The following BOC variants were observed in gnomAD, a reference collection of about 807,000 sequenced individuals.
BOC encodes the protein brother of CDO.
In BOC, 76 loss-of-function variants were observed where a neutral mutation model predicts 112.0. The ratio of observed to expected loss-of-function variants is 0.68; its 90% confidence interval spans 0.56 to 0.82. The LOEUF (loss-of-function observed/expected upper bound fraction) is 0.82, where lower values mean the gene tolerates loss of function less well. BOC is among the 40% of genes least tolerant of loss of function. The pLI, the probability that BOC is intolerant of heterozygous loss-of-function variation, is 0.00. For missense variants in BOC, 1,309 were observed against 1,511.7 expected, an observed-to-expected ratio of 0.87 and a Z score of 2.22; for synonymous variants, 580 against 599.8, an observed-to-expected ratio of 0.97 and a Z score of 0.48.
In BOC at chr3:113,286,748, A is replaced by G. The variant is rs1370082022; in HGVS notation, c.3234A>G (p.Gly1078=). 1.2e-6 allele frequency: 2 copies of G among 1,613,712 alleles called. No homozygotes were observed. The part of the protein sequence containing the change: ...DSPDSCQVSG[G]DWCPQHPVGA... Reference sequence around the variant, plus strand: ...CTGACTCCTGCCAAGTGAGTGGAGGAGACTGGTGTCCCCAGCACCCCGTAG... The same window carrying G: ...CTGACTCCTGCCAAGTGAGTGGAGGGGACTGGTGTCCCCAGCACCCCGTAG... Residue 1078 remains glycine (G), a synonymous_variant, in exon 20 of 20, where the codon GGA becomes GGG. Transcript: ENST00000682979.
rs1214155095 is a variant in BOC, at chr3:113,272,427, G to T, written c.685G>T (p.Ala229Ser). 9 of 1,613,644 alleles carry T rather than the reference G, an allele frequency of 5.6e-6. No individual in the cohort carries two copies. The highest frequency in any genetic ancestry group is 7.6e-6 in the Non-Finnish European group (9 of 1,179,636). ...CCCTCCAGGCTCCACCGCTGAGGCT[G>T]CCCGCATCATCTACCCCCCAGAGGC... ...LRVRRSTAEA[A>S]RIIYPPEAQT... The change falls in exon 7 of 20, where the codon GCC (alanine) becomes TCC (serine). Residue 229 changes from alanine (A) to serine (S), a missense_variant. By Grantham distance (99) the Ala-to-Ser change is moderately conservative. Coordinates refer to ENST00000682979, the MANE Select transcript of BOC (RefSeq NM_001378074.1).
intron 2 of BOC, among the ~76,000 whole-genome samples, chr3:113,237,253 C>T (rs556505526): frequency 6.6e-6 from 1 of 152,318 alleles, no homozygotes; most frequent in Admixed American, 6.5e-5. Context: ...GGGCTCAGCA[C>T]ATCATGGGAG....
chr3:113,277,607 A>T (rs1049398304), intron 9 of BOC, among the ~76,000 whole-genome samples: 1 of 152,242 alleles, frequency 6.6e-6, no homozygotes, highest in African/African-American at 2.4e-5. Context: ...GCACCTATAA[A>T]CTGCTTAGTT....
intron 2 of BOC, among the ~76,000 whole-genome samples, chr3:113,223,339 T>C (rs1308817175): frequency 6.6e-6 from 1 of 152,228 alleles, no homozygotes; most frequent in Non-Finnish European, 1.5e-5. Context: ...TATACAGACT[T>C]GTCGTTCCAA....
chr3:113,243,854 G>A (rs1361650819), intron 2 of BOC, among the ~76,000 whole-genome samples: 1 of 152,198 alleles, frequency 6.6e-6, no homozygotes, highest in Admixed American at 6.5e-5. Context: ...TGACTGAACT[G>A]ATCAGTGAAA....
chr3:113,223,241 AGTTTTGTTTT>A (rs1219569689), intron 2 of BOC, among the ~76,000 whole-genome samples: 1 of 152,210 alleles, frequency 6.6e-6, no homozygotes, highest in Non-Finnish European at 1.5e-5. Context: ...CTCCAGCTCC[AGTTTTGTTTT>A]GTTTTGTTTT....
intron 2 of BOC, among the ~76,000 whole-genome samples, chr3:113,224,352 T>C (rs946791738): frequency 7.2e-5 from 11 of 152,302 alleles, no homozygotes; most frequent in African/African-American, 2.6e-4. Flanking sequence ...GAAGTGCCTC[T>C]TTCTTGAGTC....
chr3:113,235,541 C>T (rs1559820059), intron 2 of BOC, among the ~76,000 whole-genome samples: 1 of 152,138 alleles, frequency 6.6e-6, no homozygotes, highest in Non-Finnish European at 1.5e-5. Context: ...AGTAGAGACA[C>T]TGTGAAGAAA....
chr3:113,271,308 C>T (rs1304848898), intron 6 of BOC: 4 of 458,728 alleles, frequency 8.7e-6, no homozygotes. Flanking sequence ...AACAGATGGC[C>T]ACGTGGGAGG....
intron 2 of BOC, among the ~76,000 whole-genome samples, chr3:113,235,000 A>G (rs2107745049): frequency 6.6e-6 from 1 of 152,320 alleles, no homozygotes; most frequent in South Asian, 2.1e-4. Context: ...GCCTGTTTAT[A>G]ATAGTAAGGT....
chr3:113,244,787 T>C (rs900387094), intron 2 of BOC, among the ~76,000 whole-genome samples: 2 of 152,244 alleles, frequency 1.3e-5, no homozygotes, highest in Non-Finnish European at 2.9e-5. Context: ...CACAGAAAGT[T>C]ACTGTTATAG....
chr3:113,279,395 C>T lies in BOC; in HGVS notation c.1963C>T (p.Leu655=), dbSNP rs373571365. ...KKLKKVGDWI[L]ATSAIPPSRL... Reference sequence around the variant, plus strand: ...GCTAAAGAAAGTGGGAGACTGGATTCTGGCCACCAGCGCCATCCCCCCATC... The same window carrying T: ...GCTAAAGAAAGTGGGAGACTGGATTTTGGCCACCAGCGCCATCCCCCCATC... Residue 655 remains leucine, a synonymous_variant, in exon 12 of 20, where the codon CTG becomes TTG. Transcript: ENST00000682979. The T allele has an allele frequency of 5.9e-5, 95 of 1,614,102 alleles. No homozygotes were observed. Among genetic ancestry groups the T allele is most frequent in the Non-Finnish European group, 7.9e-5 (93 of 1,180,030 alleles).
chr3:113,274,491 C>T lies in BOC; in HGVS notation c.1351C>T (p.Pro451Ser). ...GAGGGGGCAACCGGCGCTCCCCAGA[C>T]CCCCAACGTCAGTGGGGCCTGCTTC... is the stretch of plus-strand genomic sequence containing the variant. ...MLRGQPALPR[P>S]PTSVGPASPQ... The change falls in exon 9 of 20, where the codon CCC becomes TCC. Residue 451 changes from proline to serine, a missense_variant. Transcript: ENST00000682979. The surrounding 1 kb of genome is among the most constrained non-coding windows in gnomAD (Gnocchi z 4.8). 1 of 1,612,488 alleles carries T rather than the reference C, an allele frequency of 6.2e-7. No homozygotes were observed. Among genetic ancestry groups the T allele is most frequent in the Non-Finnish European group, 8.5e-7 (1 of 1,179,116 alleles).
intron 1 of BOC, chr3:113,212,368 C>T (rs1383005538): frequency 6.6e-6 from 1 of 152,240 alleles, no homozygotes; most frequent in South Asian, 2.1e-4. Flanking sequence ...TTCCCAGAAG[C>T]TTCTCGGGTG....
chr3:113,246,001 G>A (rs890413677), intron 2 of BOC, among the ~76,000 whole-genome samples: 1 of 152,204 alleles, frequency 6.6e-6, no homozygotes, highest in Non-Finnish European at 1.5e-5. Flanking sequence ...TCCTCCTGAT[G>A]ATGATCGACT....
At chr3:113,237,391 C>T (rs1326439382) in intron 2 of BOC, among the ~76,000 whole-genome samples, 4 of 152,144 alleles carry the variant, frequency 2.6e-5, no homozygotes, top group Admixed American at 6.6e-5. Flanking sequence ...TTATTTCTCC[C>T]TTTCCCATCC....
At position 113,265,540 on chromosome 3, in the gene BOC, G is replaced by A. The variant is rs116074185; in HGVS notation, c.377-2759G>A. ...TGACTTGGCAGGTACAGGGCGCACTGGCCTGAAGGAGGATTAAGGCCTTTG... is the reference window on the plus strand; with the variant it reads ...TGACTTGGCAGGTACAGGGCGCACTAGCCTGAAGGAGGATTAAGGCCTTTG... On this transcript the variant is annotated intron_variant, in intron 4 of 19. Coordinates refer to ENST00000682979, the MANE Select transcript of BOC (RefSeq NM_001378074.1). 3.5e-3 allele frequency among the ~76,000 whole-genome samples: 539 copies of A among 152,248 alleles called. 2 individuals are homozygous for A. Among genetic ancestry groups the A allele is most frequent in the African/African-American group, 0.012 (490 of 41,542 alleles).
In BOC at chr3:113,280,562, T is replaced by A. The variant is rs756169677; in HGVS notation, c.2210T>A (p.Ile737Asn). ...ETTIMLKWMY[I>N]PASNNNTPIH... ...TTTCTTCTCCATTCCCTATAGTACA[T>A]CCCAGCAAGTAACAACAACACCCCA... Residue 737 changes from isoleucine to asparagine, a missense_variant, in exon 14 of 20, where the codon ATC (isoleucine) becomes AAC (asparagine). Ile to Asn is a moderately radical substitution (Grantham distance 149). Coordinates refer to ENST00000682979, the MANE Select transcript of BOC (RefSeq NM_001378074.1). 1 of 1,603,110 alleles carries A rather than the reference T, an allele frequency of 6.2e-7. No homozygotes were observed. Among genetic ancestry groups the A allele is most frequent in the Non-Finnish European group, 8.5e-7 (1 of 1,170,040 alleles).
intron 2 of BOC, among the ~76,000 whole-genome samples, chr3:113,235,833 G>A (rs1025065133): frequency 3.3e-5 from 5 of 152,172 alleles, no homozygotes; most frequent in Admixed American, 6.5e-5. Flanking sequence ...TGTAGGGTAC[G>A]AGAATCAGCC....
Sources: gnomAD v4.1 joint callset for allele counts (sites outside exome capture counted in the v4.1 genomes callset) on GRCh38, gnomAD v4.1.1 for gene constraint, Gnocchi (gnomAD v3.1) non-coding constraint, MANE v1.5 for transcripts, NCBI Gene and HGNC (gene_info 2026-07-23, HGNC 2026-07-21) for gene names.